The following AFF2 variants were observed in gnomAD, a reference collection of about 807,000 sequenced individuals.
AFF2 encodes ALF transcription elongation factor 2, also known as AF4/FMR2 family member 2.
In AFF2, 14 loss-of-function variants were observed where a neutral mutation model predicts 76.9. The observed-to-expected ratio is 0.18, with a 90% CI of 0.12 to 0.28. AFF2 has a LOEUF of 0.28. AFF2 is among the 10% of genes least tolerant of loss of function. The pLI, the probability that AFF2 is intolerant of heterozygous loss-of-function variation, is 1.00. For missense variants in AFF2, 868 were observed against 1,001.1 expected (o/e 0.87, Z 1.79); for synonymous variants, 398 against 366.7 (o/e 1.09, Z -0.98).
chrX:148,877,248 T>C (rs1569556483), intron 7 of AFF2, among the ~76,000 whole-genome samples: 3 of 112,469 alleles, frequency 2.7e-5, no homozygotes, highest in African/African-American at 9.7e-5. Context: ...GCCTTGGCCT[T>C]GACCTTGCCC....
intron 3 of AFF2, among the ~76,000 whole-genome samples, chrX:148,729,157 A>G (rs2055193225): frequency 8.9e-6 from 1 of 112,185 alleles, no homozygotes; most frequent in Non-Finnish European, 1.9e-5. Flanking sequence ...AAGAGAGACA[A>G]GAACAGAAAT....
intron 3 of AFF2, among the ~76,000 whole-genome samples, chrX:148,804,413 T>A: frequency 8.9e-6 from 1 of 112,310 alleles, no homozygotes; most frequent in East Asian, 2.8e-4. Flanking sequence ...GAAATAAAAG[T>A]TCATGGTTAC....
chrX:148,906,883 C>T (rs1295808532), intron 9 of AFF2, among the ~76,000 whole-genome samples: 3 of 111,910 alleles, frequency 2.7e-5, no homozygotes, highest in African/African-American at 6.5e-5. Context: ...TTGCCACTCC[C>T]GATCAGGCTA....
At chrX:148,618,606 T>A (rs782559866) in intron 1 of AFF2, among the ~76,000 whole-genome samples, 2 of 111,063 alleles carry the variant, frequency 1.8e-5, no homozygotes, top group African/African-American at 6.6e-5. Flanking sequence ...ATTGAATGGA[T>A]CTAATTTAAA....
chrX:148,977,614 GACACACACACACACACACACACACACAC>G (rs140911348), intron 16 of AFF2, among the ~76,000 whole-genome samples: 1 of 92,723 alleles, frequency 1.1e-5, no homozygotes, highest in Non-Finnish European at 2.1e-5. Flanking sequence ...CCAGCATTTA[GACACACACACACACACACACACACACAC>G]ACACACACAC....
At chrX:148,935,235 T>A (rs1395778903) in intron 9 of AFF2, among the ~76,000 whole-genome samples, 4 of 110,391 alleles carry the variant, frequency 3.6e-5, no homozygotes, top group Admixed American at 1.9e-4. Flanking sequence ...TTTATATGCA[T>A]GATGTCCTAA....
chrX:148,858,994 T>A (rs2070816689), intron 7 of AFF2, among the ~76,000 whole-genome samples: 1 of 107,129 alleles, frequency 9.3e-6, no homozygotes, highest in Non-Finnish European at 1.9e-5. Flanking sequence ...ACTAGATATA[T>A]GAAAAAACTA....
intron 19 of AFF2, among the ~76,000 whole-genome samples, chrX:148,982,441 A>G (rs1292737627): frequency 1.8e-5 from 2 of 112,138 alleles, no homozygotes; most frequent in African/African-American, 6.5e-5. Context: ...GGTATGAACA[A>G]GGTGCTGTGG....
At chrX:148,761,523 C>G (rs1346172014) in intron 3 of AFF2, among the ~76,000 whole-genome samples, 1 of 101,870 alleles carries the variant, frequency 9.8e-6, no homozygotes, top group Non-Finnish European at 2.0e-5. Flanking sequence ...TGAAAACATT[C>G]GCAATCCAGT....
intron 15 of AFF2, 34 bp downstream of exon 15, chrX:148,967,726 T>C: frequency 8.6e-7 from 1 of 1,165,225 alleles, no homozygotes; most frequent in Non-Finnish European, 1.2e-6. Flanking sequence ...TTTGTTCCTA[T>C]TAAGGATTTA....
chrX:148,823,680 T>G (rs781887932), intron 4 of AFF2, among the ~76,000 whole-genome samples: 78 of 111,949 alleles, frequency 7.0e-4, no homozygotes, highest in Non-Finnish European at 1.1e-3. Context: ...GTGTTTAGAG[T>G]ATATCTGATT....
chrX:148,944,617 A>G (rs2071878111), intron 9 of AFF2, among the ~76,000 whole-genome samples: 1 of 111,736 alleles, frequency 8.9e-6, no homozygotes. Context: ...CAGAAAAGTC[A>G]GTGTGATTTT....
At chrX:148,564,516 C>T (rs868916325) in intron 1 of AFF2, among the ~76,000 whole-genome samples, 3 of 108,049 alleles carry the variant, frequency 2.8e-5, no homozygotes, top group Non-Finnish European at 5.7e-5. Context: ...ATTTTGGAGG[C>T]GTTTTGACAT....
At chrX:148,689,264 T>C (rs141671812) in intron 3 of AFF2, among the ~76,000 whole-genome samples, 1,455 of 111,291 alleles carry the variant, frequency 0.013, 26 homozygotes, top group African/African-American at 0.042. Flanking sequence ...GTTTTGCCTT[T>C]ATCACCTTTC....
chrX:148,607,700 T>C (rs2053686092), intron 1 of AFF2, among the ~76,000 whole-genome samples: 1 of 111,931 alleles, frequency 8.9e-6, no homozygotes, highest in Admixed American at 9.5e-5. Flanking sequence ...GAATACCATT[T>C]CTCTCATCAT....
chrX:148,585,828 G>C (rs1557245827), intron 1 of AFF2, among the ~76,000 whole-genome samples: 2 of 92,237 alleles, frequency 2.2e-5, no homozygotes, highest in African/African-American at 7.9e-5. Context: ...GCGACAGAGC[G>C]AGACTGCGTC....
intron 1 of AFF2, among the ~76,000 whole-genome samples, chrX:148,562,100 G>A (rs958398354): frequency 1.8e-5 from 2 of 112,115 alleles, no homozygotes; most frequent in Admixed American, 9.5e-5. Context: ...ACCCACTAAC[G>A]TTGTTGCTTG....
intron 1 of AFF2, among the ~76,000 whole-genome samples, chrX:148,588,115 G>A (rs2053486661): frequency 8.9e-6 from 1 of 112,676 alleles, no homozygotes; most frequent in African/African-American, 3.2e-5. Context: ...TCTGCAGCAC[G>A]GGTTCTTATG....
intron 3 of AFF2, among the ~76,000 whole-genome samples, chrX:148,802,909 T>G (rs2070078782): frequency 8.9e-6 from 1 of 112,281 alleles, no homozygotes; most frequent in Middle Eastern, 4.6e-3. Context: ...ATTTAGATAA[T>G]GTATTAGTTC....
Sources: gnomAD v4.1 joint callset for allele counts (sites outside exome capture counted in the v4.1 genomes callset) on GRCh38, gnomAD v4.1.1 for gene constraint, MANE v1.5 for transcripts, NCBI Gene and HGNC (gene_info 2026-07-23, HGNC 2026-07-21) for gene names.